MTHFD1L: variants seen among roughly 807,000 people sequenced by gnomAD.
MTHFD1L encodes the protein monofunctional C1-tetrahydrofolate synthase, mitochondrial.
A neutral mutation model predicts 119.5 loss-of-function variants in MTHFD1L; 81 were observed. The observed-to-expected ratio is 0.68, with a 90% CI of 0.57 to 0.82. The LOEUF is 0.82. MTHFD1L is among the 40% of genes least tolerant of loss of function. The pLI is 0.00. For missense variants in MTHFD1L, 1,125 were observed against 1,253.4 expected, an observed-to-expected ratio of 0.90 and a Z score of 1.55; for synonymous variants, 430 against 475.2, an observed-to-expected ratio of 0.90 and a Z score of 1.24.
intron 1 of MTHFD1L, chr6:150,866,526 C>G (rs976947200): frequency 1.6e-6 from 2 of 1,275,126 alleles, no homozygotes; most frequent in African/African-American, 3.1e-5. Flanking sequence ...GGCTCGGGCC[C>G]AGCGCCGCCC....
At chr6:150,875,469 C>G (rs1780285464) in intron 1 of MTHFD1L, among the ~76,000 whole-genome samples, 1 of 152,054 alleles carries the variant, frequency 6.6e-6, no homozygotes, top group Non-Finnish European at 1.5e-5. Context: ...TGTGGATTCT[C>G]AGAGGACTGA....
intron 24 of MTHFD1L, among the ~76,000 whole-genome samples, chr6:151,027,562 C>T (rs1784762654): frequency 6.6e-6 from 1 of 151,476 alleles, no homozygotes; most frequent in Non-Finnish European, 1.5e-5. Flanking sequence ...TTTATAAAAG[C>T]TATCATTTAC....
chr6:150,909,467 T>C (rs1485257699), intron 8 of MTHFD1L, among the ~76,000 whole-genome samples: 4 of 152,040 alleles, frequency 2.6e-5, no homozygotes, highest in Non-Finnish European at 5.9e-5. Context: ...GGTCTTGAAC[T>C]CCCGGCCTCA....
chr6:150,935,241 G>A lies in MTHFD1L; in HGVS notation c.1257-1563G>A, dbSNP rs1280345076. Reference sequence around the variant, plus strand: ...CCACTGTGGAAGTCATATACCAGATGCACAGATGGCATTGTATTTGTTGTG... The same window carrying A: ...CCACTGTGGAAGTCATATACCAGATACACAGATGGCATTGTATTTGTTGTG... On this transcript the variant is annotated intron_variant, in intron 11 of 27. Coordinates refer to ENST00000367321, the MANE Select transcript of MTHFD1L (RefSeq NM_015440.5). The A allele has an allele frequency of 5.6e-6, 9 of 1,611,778 alleles. No individual in the cohort carries two copies. The African/African-American group carries it at 6.7e-5, about 12-fold the overall frequency.
chr6:150,904,632 A>G (rs712210), intron 7 of MTHFD1L, among the ~76,000 whole-genome samples: 84,933 of 151,962 alleles, frequency 0.56, 24,198 homozygotes, highest in East Asian at 0.81. Context: ...ATAGGGATCC[A>G]GTTTGAAATC....
chr6:150,904,528 T>G (rs1306774390), intron 7 of MTHFD1L, among the ~76,000 whole-genome samples: 2 of 152,174 alleles, frequency 1.3e-5, no homozygotes, highest in Non-Finnish European at 2.9e-5. Context: ...TTTGGAATAT[T>G]CAATGGTGTA....
intron 26 of MTHFD1L, among the ~76,000 whole-genome samples, chr6:151,073,339 A>G (rs1380721074): frequency 6.6e-6 from 1 of 152,226 alleles, no homozygotes; most frequent in Non-Finnish European, 1.5e-5. Flanking sequence ...CCTGCCTCCC[A>G]CACAGTAGCC....
rs562867343 is a variant in MTHFD1L, at chr6:151,067,244, G to A, written c.2848-25223G>A. Among the ~76,000 whole-genome samples the A allele has an allele frequency of 3.3e-5, 5 of 151,118 alleles. No individual in the cohort carries two copies. In the East Asian group the frequency reaches 6.0e-4, roughly 18 times the overall value. ...CCTGACCTCATGAGCCACCGCTCCC[G>A]GCCATCGATTTGATTATTATAAAAT... On this transcript the variant is annotated intron_variant, in intron 26 of 27. Transcript: ENST00000367321.
At chr6:150,965,185 T>C in intron 19 of MTHFD1L, 148 bp downstream of exon 19, 2 of 661,786 alleles carry the variant, frequency 3.0e-6, no homozygotes, top group South Asian at 3.6e-5. Flanking sequence ...GAGGATCTGG[T>C]TAGGAACCTG....
chr6:150,998,661 A>G (rs2128460335), intron 20 of MTHFD1L, among the ~76,000 whole-genome samples: 1 of 150,014 alleles, frequency 6.7e-6, no homozygotes, highest in South Asian at 2.1e-4. Context: ...TAAATCTTTC[A>G]TATATGCACA....
At position 150,923,386 on chromosome 6, in the gene MTHFD1L, A is replaced by T. The variant is rs541810037; in HGVS notation, c.1082+1084A>T. ...CATCTGTGTCTGTCCCACTCCAAGG[A>T]ATTGGCCCCACCCCCATTATCCAGG... On this transcript the variant is annotated intron_variant, in intron 10 of 27. Coordinates refer to ENST00000367321, the MANE Select transcript of MTHFD1L (RefSeq NM_015440.5). Among the ~76,000 whole-genome samples, 11 of 152,096 alleles carry T rather than the reference A, an allele frequency of 7.2e-5. No homozygotes were observed. The South Asian group carries it at 2.3e-3, about 32-fold the overall frequency.
intron 20 of MTHFD1L, among the ~76,000 whole-genome samples, chr6:150,974,658 C>T (rs755032244): frequency 9.9e-5 from 15 of 151,608 alleles, no homozygotes; most frequent in Non-Finnish European, 1.9e-4. Flanking sequence ...CTGTGACTGA[C>T]TTATTTCACT....
intron 4 of MTHFD1L, among the ~76,000 whole-genome samples, chr6:150,879,756 A>G (rs1436958566): frequency 1.3e-5 from 2 of 150,308 alleles, no homozygotes; most frequent in Non-Finnish European, 1.5e-5. Flanking sequence ...CAGCCTCCCA[A>G]GTAACTGGGT....
At position 150,893,125 on chromosome 6, in the gene MTHFD1L, C is replaced by T. The variant is rs557810682; in HGVS notation, c.780+5144C>T. 2.5e-3 allele frequency among the ~76,000 whole-genome samples: 379 copies of T among 152,192 alleles called. 2 individuals are homozygous for T. The highest frequency in any genetic ancestry group is 8.7e-3 in the African/African-American group (362 of 41,532). Reference sequence around the variant, plus strand: ...TGTTACCCAGGCTGGAGTGCAGTGGCGCGATCTCGGCTCACTAAAGCCTCT... The same window carrying T: ...TGTTACCCAGGCTGGAGTGCAGTGGTGCGATCTCGGCTCACTAAAGCCTCT... On this transcript the variant is annotated intron_variant, in intron 7 of 27. Transcript: ENST00000367321.
At chr6:150,984,571 GAAAA>G (rs77899794) in intron 20 of MTHFD1L, among the ~76,000 whole-genome samples, 2 of 109,336 alleles carry the variant, frequency 1.8e-5, no homozygotes, top group African/African-American at 3.1e-5. Context: ...AAAAACAAGG[GAAAA>G]AAAAAAAAAA....
chr6:151,027,228 C>CT (rs1319858309), intron 24 of MTHFD1L, among the ~76,000 whole-genome samples: 1 of 151,928 alleles, frequency 6.6e-6, no homozygotes, highest in African/African-American at 2.4e-5. Context: ...GATCTCTTGA[C>CT]TTTAATAGTA....
intron 26 of MTHFD1L, among the ~76,000 whole-genome samples, chr6:151,059,154 G>A (rs1231070812): frequency 6.6e-6 from 1 of 152,034 alleles, no homozygotes; most frequent in East Asian, 1.9e-4. Context: ...GTTCTCCAGG[G>A]CCTTTTAGCT....
In MTHFD1L at chr6:150,905,665, A is replaced by G. The variant is rs753684815; in HGVS notation, c.796A>G (p.Ile266Val). ...CTCCTTTTAGCTTCACGAGGCTGACATTGTGGTCCTAGGCTCACCTAAGCC... is the reference window on the plus strand; with the variant it reads ...CTCCTTTTAGCTTCACGAGGCTGACGTTGTGGTCCTAGGCTCACCTAAGCC... ...QLQSKLHEAD[I>V]VVLGSPKPEE... The change falls in exon 8 of 28, where the codon ATT becomes GTT. Residue 266 changes from isoleucine (I) to valine (V), a missense_variant. Around this residue, in one of 3 missense-constraint regions of MTHFD1L, gnomAD observed 1,058 missense variants for 1,151.2 expected, o/e 0.92. Transcript: ENST00000367321. 5.6e-6 allele frequency: 9 copies of G among 1,613,826 alleles called. No individual in the cohort carries two copies. Among genetic ancestry groups the G allele is most frequent in the African/African-American group, 5.3e-5 (4 of 74,894 alleles).
At chr6:150,883,141 T>A (rs1324211781) in intron 5 of MTHFD1L, among the ~76,000 whole-genome samples, 2 of 152,098 alleles carry the variant, frequency 1.3e-5, no homozygotes, top group African/African-American at 4.8e-5. Flanking sequence ...CAAGCGATTT[T>A]CCTGCCTCAG....
Sources: allele counts gnomAD v4.1 joint callset (sites outside exome capture counted in the v4.1 genomes callset), GRCh38; gene constraint gnomAD v4.1.1; regional missense constraint gnomAD v4.1.1; transcripts MANE v1.5; gene names NCBI Gene and HGNC (gene_info 2026-07-23, HGNC 2026-07-21).